The following LDLRAD3 variants were observed in gnomAD, a reference collection of about 807,000 sequenced individuals.
The protein encoded by LDLRAD3 is low-density lipoprotein receptor class A domain-containing protein 3.
A neutral mutation model predicts 29.4 loss-of-function variants in LDLRAD3; 20 were observed. The ratio of observed to expected loss-of-function variants is 0.68; its 90% CI spans 0.48 to 0.99. LDLRAD3 has a LOEUF of 0.99. LDLRAD3 is among the 50% of genes least tolerant of loss of function. LDLRAD3 has a pLI of 0.00. For missense variants in LDLRAD3, 420 were observed against 454.3 expected, an observed-to-expected ratio of 0.92 and a Z score of 0.69; for synonymous variants, 157 against 192.7, an observed-to-expected ratio of 0.81 and a Z score of 1.53.
intron 2 of LDLRAD3, among the ~76,000 whole-genome samples, chr11:36,078,864 C>T (rs1289620649): frequency 6.6e-6 from 1 of 152,202 alleles, no homozygotes; most frequent in Admixed American, 6.5e-5. Context: ...GGTGGTACGG[C>T]AGCCCCAGTC....
At chr11:36,014,818 T>C (rs1852000172) in intron 1 of LDLRAD3, among the ~76,000 whole-genome samples, 1 of 152,280 alleles carries the variant, frequency 6.6e-6, no homozygotes, top group South Asian at 2.1e-4. Context: ...CTTTTCTCTC[T>C]GTATAGCTTG....
At chr11:36,092,082 C>G (rs1853290962) in intron 3 of LDLRAD3, among the ~76,000 whole-genome samples, 1 of 152,206 alleles carries the variant, frequency 6.6e-6, no homozygotes, top group African/African-American at 2.4e-5. Context: ...AATATTTATG[C>G]CTTTCAACAC....
intron 4 of LDLRAD3, among the ~76,000 whole-genome samples, chr11:36,130,308 G>C (rs927913761): frequency 1.3e-5 from 2 of 152,192 alleles, no homozygotes; most frequent in African/African-American, 4.8e-5. Flanking sequence ...AGGGCATAAG[G>C]TAAAGAGAAT....
intron 4 of LDLRAD3, among the ~76,000 whole-genome samples, chr11:36,135,094 T>C (rs1473485954): frequency 1.3e-5 from 2 of 152,196 alleles, no homozygotes; most frequent in African/African-American, 4.8e-5. Context: ...GTTTGGTGGA[T>C]ACTTGGGATA....
At chr11:35,966,177 C>T (rs746800670) in intron 1 of LDLRAD3, among the ~76,000 whole-genome samples, 11 of 152,170 alleles carry the variant, frequency 7.2e-5, no homozygotes, top group African/African-American at 9.7e-5. Context: ...CCTGTAGTCC[C>T]AGCACTTTGG....
rs745813005 is a variant in LDLRAD3, at chr11:36,229,575, G to A, written c.*178G>A. The A allele has an allele frequency of 4.3e-5, 25 of 575,946 alleles. No individual in the cohort carries two copies. Among genetic ancestry groups the A allele is most frequent in the South Asian group, 9.8e-5 (4 of 40,872 alleles). 35.7% of individuals were successfully genotyped at this position (575,946 alleles called of 1,614,324 possible). A position where few individuals can be genotyped will look rare whatever the true frequency, so the allele number is the denominator to read the frequency against. ...CAGACTTCAGAGATGTTTTTCTGGC[G>A]TCTCAGTTGACATGATCTGTTGTGC... On this transcript the variant is annotated 3_prime_UTR_variant, in exon 6 of 6. Coordinates refer to ENST00000315571, the MANE Select transcript of LDLRAD3 (RefSeq NM_174902.4).
chr11:36,007,940 A>G (rs1277796171), intron 1 of LDLRAD3, among the ~76,000 whole-genome samples: 1 of 152,208 alleles, frequency 6.6e-6, no homozygotes, highest in Non-Finnish European at 1.5e-5. Context: ...GATGAAATAA[A>G]GTTTAGGCAG....
intron 1 of LDLRAD3, among the ~76,000 whole-genome samples, chr11:35,984,655 G>C (rs1851585345): frequency 6.6e-6 from 1 of 152,156 alleles, no homozygotes; most frequent in Admixed American, 6.5e-5. Context: ...TTGTGAGATG[G>C]AGTTTCGCTC....
rs534440966 is a variant in LDLRAD3, at chr11:36,115,465, G to A, written c.454+17004G>A. On this transcript the variant is annotated intron_variant, in intron 4 of 5. Coordinates refer to ENST00000315571, the MANE Select transcript of LDLRAD3 (RefSeq NM_174902.4). ...GTCTTACTTTTCCTAGGGGCAGCTC[G>A]AACCTTTCACTGGACCCCCGCTTCC... Among the ~76,000 whole-genome samples, 11 of 152,244 alleles carry A rather than the reference G, an allele frequency of 7.2e-5. No individual in the cohort carries two copies. In the South Asian group the frequency reaches 1.5e-3, roughly 20 times the overall value.
intron 4 of LDLRAD3, among the ~76,000 whole-genome samples, chr11:36,114,762 G>A (rs959999189): frequency 2.0e-5 from 3 of 152,106 alleles, no homozygotes; most frequent in Non-Finnish European, 2.9e-5. Flanking sequence ...TTGTGGGGAC[G>A]TGACTCCATG....
At chr11:36,196,881 C>T (rs1274616765) in intron 4 of LDLRAD3, 1 of 152,196 alleles carries the variant, frequency 6.6e-6, no homozygotes, top group Admixed American at 6.5e-5. Context: ...CTGGTGGTAG[C>T]TCCCTATCCA....
At chr11:36,043,196 C>T (rs1243545091) in intron 2 of LDLRAD3, among the ~76,000 whole-genome samples, 1 of 152,148 alleles carries the variant, frequency 6.6e-6, no homozygotes, top group Admixed American at 6.5e-5. Flanking sequence ...CCTGTAATCC[C>T]AGCTACTTGG....
At chr11:36,176,456 T>G (rs1432130224) in intron 4 of LDLRAD3, among the ~76,000 whole-genome samples, 1 of 151,534 alleles carries the variant, frequency 6.6e-6, no homozygotes, top group Admixed American at 6.6e-5. Context: ...ATTTCAAGGT[T>G]TTTTTTTTTC....
At chr11:36,032,831 G>A (rs919809198) in intron 1 of LDLRAD3, among the ~76,000 whole-genome samples, 2 of 152,064 alleles carry the variant, frequency 1.3e-5, no homozygotes, top group African/African-American at 4.8e-5. Context: ...GGTTTTTGAA[G>A]ACAGAATCAA....
At chr11:36,052,353 T>A (rs1402874642) in intron 2 of LDLRAD3, among the ~76,000 whole-genome samples, 1 of 152,234 alleles carries the variant, frequency 6.6e-6, no homozygotes, top group Admixed American at 6.5e-5. Context: ...CAGATGCTCT[T>A]GTTGCAATGC....
intron 2 of LDLRAD3, among the ~76,000 whole-genome samples, chr11:36,063,311 G>T (rs1027699105): frequency 6.6e-6 from 1 of 152,062 alleles, no homozygotes; most frequent in Non-Finnish European, 1.5e-5. Context: ...TCTTTATTTG[G>T]TTATGTTCAG....
chr11:36,131,486 A>C lies in LDLRAD3; in HGVS notation c.454+33025A>C, dbSNP rs144909446. Among the ~76,000 whole-genome samples the C allele has an allele frequency of 2.4e-3, 368 of 152,352 alleles. 9 individuals are homozygous for C. Among genetic ancestry groups the C allele is most frequent in the Admixed American group, 0.021 (315 of 15,306 alleles). On this transcript the variant is annotated intron_variant, in intron 4 of 5. Coordinates refer to ENST00000315571, the MANE Select transcript of LDLRAD3 (RefSeq NM_174902.4). ...TTTTGTTGCTTTGGGGCTAGAATAC[A>C]TTATACCAGAGTAAGAGATGGTAAC...
Position 36,079,810 on chromosome 11 carries a change from T to C in LDLRAD3, c.194-1843T>C, listed in dbSNP as rs147155693. Among the ~76,000 whole-genome samples the C allele has an allele frequency of 6.2e-3, 946 of 152,316 alleles. 10 individuals carry two copies. The highest frequency in any genetic ancestry group is 0.022 in the African/African-American group (896 of 41,562). Reference sequence around the variant, plus strand: ...GATTAGCCATTTCTTGGAACAATTGTTCTCCCCGACTTGGGCCCTCTTACT... The same window carrying C: ...GATTAGCCATTTCTTGGAACAATTGCTCTCCCCGACTTGGGCCCTCTTACT... On this transcript the variant is annotated intron_variant, in intron 2 of 5. Coordinates refer to ENST00000315571, the MANE Select transcript of LDLRAD3 (RefSeq NM_174902.4).
At chr11:35,958,188 A>G (rs1000445583) in intron 1 of LDLRAD3, among the ~76,000 whole-genome samples, 4 of 152,222 alleles carry the variant, frequency 2.6e-5, no homozygotes, top group Admixed American at 1.3e-4. Context: ...GTTAAGTTTA[A>G]ATACAATGTA....
Sources: allele counts gnomAD v4.1 joint callset (sites outside exome capture counted in the v4.1 genomes callset), GRCh38; gene constraint gnomAD v4.1.1; transcripts MANE v1.5; gene names NCBI Gene and HGNC (gene_info 2026-07-23, HGNC 2026-07-21).